The following PCLO variants were observed in gnomAD, a reference collection of about 807,000 sequenced individuals.
The protein encoded by PCLO is protein piccolo.
Under a neutral mutation model 427.5 loss-of-function variants are expected in PCLO, and 82 were observed. The observed-to-expected ratio is 0.19, with a 90% CI of 0.16 to 0.23. The LOEUF is 0.23. Among genes scored for constraint, PCLO ranks in the 10% least tolerant of loss-of-function variants. The probability of loss-of-function intolerance (pLI) is 1.00; values close to 1 mark genes in which losing one functional copy is unlikely to be tolerated. For missense variants in PCLO, 6,239 were observed against 6,115.9 expected (o/e 1.02, Z -0.67); for synonymous variants, 2,357 against 2,155.4 (o/e 1.09, Z -2.59).
Position 82,953,221 on chromosome 7 carries a change from C to T in PCLO, c.7732G>A (p.Glu2578Lys), listed in dbSNP as rs781429295. Reference protein sequence around the residue: ...SSPRFSKSLTETYVVITLPSE... With the variant: ...SSPRFSKSLTKTYVVITLPSE... ...GGCAATGTAATAACTACATAAGTTTCTGTGAGGGATTTGGAAAATCTTGGT... is the reference window on the plus strand; with the variant it reads ...GGCAATGTAATAACTACATAAGTTTTTGTGAGGGATTTGGAAAATCTTGGT... Residue 2578 changes from glutamate (E) to lysine (K), a missense_variant, in exon 5 of 25, where the codon GAA (glutamate) becomes AAA (lysine). Glu to Lys is a moderately conservative substitution (Grantham distance 56, BLOSUM62 1). This residue lies in a region of PCLO where 4,677 missense variants were observed against 4,468.4 expected (regional missense o/e 1.05). Coordinates refer to ENST00000333891, the MANE Select transcript of PCLO (RefSeq NM_033026.6). The T allele has an allele frequency of 1.3e-5, 21 of 1,613,786 alleles. No homozygotes were observed. The highest frequency in any genetic ancestry group is 1.8e-5 in the Non-Finnish European group (21 of 1,179,878).
At chr7:82,947,850 C>G (rs1795240196) in intron 6 of PCLO, among the ~76,000 whole-genome samples, 1 of 152,008 alleles carries the variant, frequency 6.6e-6, no homozygotes. Flanking sequence ...ATTTCCAAAT[C>G]CAAAGTGAAT....
chr7:83,077,020 TGA>T (rs1491384007), intron 3 of PCLO, among the ~76,000 whole-genome samples: 1 of 67,542 alleles, frequency 1.5e-5, no homozygotes, highest in Non-Finnish European at 2.6e-5. Flanking sequence ...AAAAATGCAT[TGA>T]TATATATATA....
chr7:83,112,037 T>A (rs1791016606), intron 3 of PCLO, among the ~76,000 whole-genome samples: 1 of 151,582 alleles, frequency 6.6e-6, no homozygotes, highest in South Asian at 2.1e-4. Context: ...TGTCTGGGTT[T>A]TTTTGTTGTT....
Position 83,156,403 on chromosome 7 carries a change from TAAA to T in PCLO, c.249-14_249-12del, listed in dbSNP as rs71074628. 1,016 of 1,059,090 alleles carry T rather than the reference TAAA, an allele frequency of 9.6e-4. No individual in the cohort carries two copies. The highest frequency in any genetic ancestry group is 1.5e-3 in the South Asian group (60 of 40,876). The allele number at this position is 1,059,090 out of a possible 1,614,324, so 65.6% of individuals were successfully genotyped here. On this transcript the variant is annotated splice_polypyrimidine_tract_variant and intron_variant, in intron 1 of 24. Transcript: ENST00000333891. ...TCCAACTCTTGTTTCCTAGAAGAGT[TAAA>T]AAAAAAAAAAAAAATCAAGTGAAAA...
intron 7 of PCLO, 115 bp downstream of exon 7, chr7:82,914,571 T>C: frequency 1.0e-6 from 1 of 992,874 alleles, no homozygotes; most frequent in South Asian, 1.4e-5. Context: ...GAAGTAAACA[T>C]GCAAAAGACA....
chr7:82,828,785 C>T (rs1220085783), intron 16 of PCLO, among the ~76,000 whole-genome samples: 2 of 152,122 alleles, frequency 1.3e-5, no homozygotes, highest in Non-Finnish European at 2.9e-5. Flanking sequence ...CCAAATGGTG[C>T]CCACACAGAC....
chr7:83,108,001 A>G (rs1394302558), intron 3 of PCLO, among the ~76,000 whole-genome samples: 3 of 150,972 alleles, frequency 2.0e-5, no homozygotes, highest in East Asian at 1.9e-4. Context: ...AAAAAAAAAA[A>G]AAAAAAAAAA....
chr7:83,119,408 A>T (rs2116554602), intron 3 of PCLO, among the ~76,000 whole-genome samples: 1 of 152,224 alleles, frequency 6.6e-6, no homozygotes, highest in East Asian at 1.9e-4. Context: ...ATATTACTGA[A>T]GTCCACCAAG....
intron 3 of PCLO, among the ~76,000 whole-genome samples, chr7:83,043,373 T>C (rs1789019103): frequency 6.6e-6 from 1 of 152,200 alleles, no homozygotes; most frequent in South Asian, 2.1e-4. Flanking sequence ...ACTAGTTGAT[T>C]TTTGTTTCTT....
At chr7:83,096,990 A>ATATAATATAT (rs1491292314) in intron 3 of PCLO, among the ~76,000 whole-genome samples, 2 of 25,626 alleles carry the variant, frequency 7.8e-5, no homozygotes, top group Admixed American at 9.3e-4. Context: ...TATATAAATA[A>ATATAATATAT]TATATATTAT....
chr7:82,961,759 T>C (rs1366008829), intron 4 of PCLO, among the ~76,000 whole-genome samples: 1 of 152,150 alleles, frequency 6.6e-6, no homozygotes, highest in African/African-American at 2.4e-5. Flanking sequence ...TAAAGAGAAG[T>C]TACAGTGAGG....
rs549964785 is a variant in PCLO at position 83,134,583 on chromosome 7, T to C, written c.2967A>G (p.Ala989=). ...TTTTCACAGGTATACTTTTTGCAGGTGCTGGTGGTGCTTGACCTGTGGATT... is the reference window on the plus strand; with the variant it reads ...TTTTCACAGGTATACTTTTTGCAGGCGCTGGTGGTGCTTGACCTGTGGATT... The part of the protein sequence containing the change: ...PPKSTGQAPP[A]PAKSIPVKKE... Residue 989 remains alanine (A), a synonymous_variant, in exon 3 of 25, where the codon GCA becomes GCG. Transcript: ENST00000333891. 1 of 1,613,940 alleles carries C rather than the reference T, an allele frequency of 6.2e-7. No homozygotes were observed. Among genetic ancestry groups the C allele is most frequent in the East Asian group, 2.2e-5 (1 of 44,868 alleles).
Position 82,951,366 on chromosome 7 carries a change from G to A in PCLO, c.9222C>T (p.Pro3074=), listed in dbSNP as rs1420427641. 1 of 1,605,932 alleles carries A rather than the reference G, an allele frequency of 6.2e-7. No individual in the cohort carries two copies. Among genetic ancestry groups the A allele is most frequent in the Non-Finnish European group, 8.5e-7 (1 of 1,175,868 alleles). ...TCAAAACACTCCCCACACAATACTG[G>A]GGTCCTGGTGGTGGTGTCATTCTTG... ...STARMTPPPG[P]QYCVGSVLRS... is the part of the protein sequence containing the mutation. The change falls in exon 6 of 25, where the codon CCC becomes CCT. Residue 3074 remains proline (P), a synonymous_variant. Coordinates refer to ENST00000333891, the MANE Select transcript of PCLO (RefSeq NM_033026.6).
At chr7:82,861,833 A>G (rs115361681) in intron 10 of PCLO, among the ~76,000 whole-genome samples, 2,581 of 152,158 alleles carry the variant, frequency 0.017, 94 homozygotes, top group African/African-American at 0.059. Flanking sequence ...TTTGGAAAGT[A>G]TTCAAATATA....
At chr7:83,002,115 A>G (rs184250242) in intron 3 of PCLO, among the ~76,000 whole-genome samples, 255 of 151,792 alleles carry the variant, frequency 1.7e-3, no homozygotes, top group African/African-American at 5.9e-3. Context: ...CAGCTATTTT[A>G]TCTTCAAATG....
chr7:82,933,848 A>G (rs1455305658), intron 6 of PCLO, among the ~76,000 whole-genome samples: 1 of 152,098 alleles, frequency 6.6e-6, no homozygotes, highest in East Asian at 1.9e-4. Flanking sequence ...TGAAAATCAG[A>G]TCCCTCTCAA....
chr7:82,873,818 T>TG (rs201751274), intron 10 of PCLO, among the ~76,000 whole-genome samples: 5,091 of 137,152 alleles, frequency 0.037, 155 homozygotes, highest in East Asian at 0.17. Context: ...AGTTCTAGAT[T>TG]GGGGGGGTGG....
intron 22 of PCLO, among the ~76,000 whole-genome samples, chr7:82,794,724 T>C (rs1791190374): frequency 6.6e-6 from 1 of 151,894 alleles, no homozygotes; most frequent in Non-Finnish European, 1.5e-5. Context: ...TCTGTTCTCC[T>C]CGGTCTCCCA....
intron 22 of PCLO, among the ~76,000 whole-genome samples, chr7:82,780,900 T>G (rs1790858939): frequency 6.6e-6 from 1 of 152,198 alleles, no homozygotes; most frequent in Admixed American, 6.5e-5. Flanking sequence ...GGTTGTTGTA[T>G]GTTGAGAGTA....
Sources: gnomAD v4.1 joint callset for allele counts (sites outside exome capture counted in the v4.1 genomes callset) on GRCh38, gnomAD v4.1.1 for gene constraint, gnomAD v4.1.1 regional missense constraint, MANE v1.5 for transcripts, NCBI Gene and HGNC (gene_info 2026-07-23, HGNC 2026-07-21) for gene names.